The following TCERG1L variants were observed in gnomAD, a reference collection of about 807,000 sequenced individuals.
The protein encoded by TCERG1L is transcription elongation regulator 1 like.
A neutral mutation model predicts 56.3 loss-of-function variants in TCERG1L; 37 were observed. That is an observed-to-expected ratio of 0.66 (90% CI 0.51 to 0.87). TCERG1L has a LOEUF of 0.87. Among genes scored for constraint, TCERG1L ranks in the 40% least tolerant of loss-of-function variants. The probability of loss-of-function intolerance (pLI) is 0.00; values close to 1 mark genes in which losing one functional copy is unlikely to be tolerated. For missense variants in TCERG1L, 799 were observed against 774.2 expected (o/e 1.03, Z -0.38); for synonymous variants, 324 against 326.3 (o/e 0.99, Z 0.08).
intron 4 of TCERG1L, among the ~76,000 whole-genome samples, chr10:131,247,122 A>C (rs1177303643): frequency 1.3e-5 from 2 of 152,124 alleles, no homozygotes; most frequent in Non-Finnish European, 2.9e-5. Flanking sequence ...GCCATCCCAA[A>C]ACAGGAAAGT....
At chr10:131,146,294 A>G (rs1845793358) in intron 7 of TCERG1L, among the ~76,000 whole-genome samples, 1 of 152,196 alleles carries the variant, frequency 6.6e-6, no homozygotes, top group Admixed American at 6.5e-5. Flanking sequence ...CGTGATGCAA[A>G]AAGACAGCCA....
chr10:131,093,625 G>C (rs546937844), intron 11 of TCERG1L, among the ~76,000 whole-genome samples: 1 of 152,116 alleles, frequency 6.6e-6, no homozygotes, highest in South Asian at 2.1e-4. Flanking sequence ...CAGCCGCCCC[G>C]ATCACAGCTT....
intron 3 of TCERG1L, among the ~76,000 whole-genome samples, chr10:131,265,520 C>G (rs964501076): frequency 2.0e-5 from 3 of 152,180 alleles, no homozygotes; most frequent in Non-Finnish European, 4.4e-5. Flanking sequence ...GAAGTTCAGT[C>G]ATGATAACCA....
At chr10:131,121,934 C>T (rs537442511) in intron 8 of TCERG1L, among the ~76,000 whole-genome samples, 107 of 152,328 alleles carry the variant, frequency 7.0e-4, no homozygotes, top group East Asian at 1.4e-3. Flanking sequence ...CAGGGGTCCC[C>T]GCTGACAGAC....
intron 6 of TCERG1L, chr10:131,162,432 T>C (rs1432303288): frequency 6.6e-6 from 1 of 152,240 alleles, no homozygotes; most frequent in African/African-American, 2.4e-5. Context: ...AGGGATGTGC[T>C]CACTCGCTAT....
intron 7 of TCERG1L, among the ~76,000 whole-genome samples, chr10:131,143,096 C>T (rs1326079832): frequency 7.2e-5 from 11 of 152,208 alleles, no homozygotes; most frequent in South Asian, 2.1e-4. Flanking sequence ...CTCTGCTCGA[C>T]GTCTGCCCTC....
chr10:131,277,343 C>G (rs1338132553), intron 3 of TCERG1L, among the ~76,000 whole-genome samples: 2 of 152,220 alleles, frequency 1.3e-5, no homozygotes, highest in African/African-American at 4.8e-5. Context: ...AGATTCCTGA[C>G]AGTGCACGCC....
At chr10:131,276,172 G>C (rs1024462527) in intron 3 of TCERG1L, among the ~76,000 whole-genome samples, 4 of 152,186 alleles carry the variant, frequency 2.6e-5, no homozygotes, top group Non-Finnish European at 4.4e-5. Flanking sequence ...CAACTTCCAA[G>C]GGTCCTCCTG....
intron 4 of TCERG1L, among the ~76,000 whole-genome samples, chr10:131,215,820 G>A (rs976208127): frequency 2.0e-5 from 3 of 152,174 alleles, no homozygotes; most frequent in Non-Finnish European, 4.4e-5. Flanking sequence ...AACTGACCAT[G>A]CTGAAGGGAA....
At chr10:131,204,695 C>T (rs539929241) in intron 4 of TCERG1L, among the ~76,000 whole-genome samples, 14 of 152,276 alleles carry the variant, frequency 9.2e-5, no homozygotes, top group East Asian at 7.7e-4. Flanking sequence ...AATGAGCCTG[C>T]GGGTAAGGGA....
At chr10:131,163,059 C>G in intron 6 of TCERG1L, 63 bp downstream of exon 6, 2 of 1,309,136 alleles carry the variant, frequency 1.5e-6, no homozygotes, top group South Asian at 1.6e-5. Context: ...TTGGTGACAT[C>G]AGGCAAATGC....
intron 4 of TCERG1L, among the ~76,000 whole-genome samples, chr10:131,209,380 A>T (rs879382020): frequency 6.6e-6 from 1 of 152,224 alleles, no homozygotes; most frequent in Non-Finnish European, 1.5e-5. Flanking sequence ...ACGTTTACTG[A>T]TAATGTCTAG....
At chr10:131,295,545 T>G (rs995112706) in intron 3 of TCERG1L, among the ~76,000 whole-genome samples, 6 of 152,250 alleles carry the variant, frequency 3.9e-5, no homozygotes, top group African/African-American at 1.2e-4. Flanking sequence ...TGCATTTTGC[T>G]AATGAAATAT....
intron 8 of TCERG1L, among the ~76,000 whole-genome samples, chr10:131,120,541 G>C (rs1216981530): frequency 1.3e-5 from 2 of 152,204 alleles, no homozygotes; most frequent in African/African-American, 2.4e-5. Flanking sequence ...GTAGTTGTTG[G>C]CTCCAGGCTA....
At chr10:131,190,741 A>C (rs1331830902) in intron 4 of TCERG1L, among the ~76,000 whole-genome samples, 2 of 144,164 alleles carry the variant, frequency 1.4e-5, no homozygotes, top group African/African-American at 5.2e-5. Context: ...GCCATATGTG[A>C]CAGACCCACA....
intron 8 of TCERG1L, among the ~76,000 whole-genome samples, chr10:131,131,860 CG>C (rs1845622207): frequency 6.6e-6 from 1 of 152,182 alleles, no homozygotes; most frequent in South Asian, 2.1e-4. Context: ...ACACAAAAAG[CG>C]CAGGTCCAAA....
intron 6 of TCERG1L, among the ~76,000 whole-genome samples, chr10:131,149,000 T>C (rs1318682983): frequency 6.6e-6 from 1 of 152,220 alleles, no homozygotes; most frequent in Non-Finnish European, 1.5e-5. Context: ...GTCATCCATG[T>C]GGGAGAATAT....
intron 9 of TCERG1L, among the ~76,000 whole-genome samples, chr10:131,107,936 C>A (rs1039495616): frequency 2.7e-5 from 4 of 148,230 alleles, no homozygotes; most frequent in Non-Finnish European, 5.9e-5. Context: ...CACATTGATA[C>A]ACACATGCAC....
chr10:131,110,356 C>T (rs1845398533), intron 9 of TCERG1L, among the ~76,000 whole-genome samples: 1 of 152,196 alleles, frequency 6.6e-6, no homozygotes, highest in African/African-American at 2.4e-5. Context: ...CTCCTTGAGG[C>T]CTCAGGTGAG....
Sources: gnomAD v4.1 joint callset for allele counts (sites outside exome capture counted in the v4.1 genomes callset) on GRCh38, gnomAD v4.1.1 for gene constraint, MANE v1.5 for transcripts, NCBI Gene and HGNC (gene_info 2026-07-23, HGNC 2026-07-21) for gene names.